Variants in PLEKHA5 observed in about 807,000 individuals in gnomAD.
PLEKHA5 encodes the protein pleckstrin homology domain-containing family A member 5.
A neutral mutation model predicts 181.9 loss-of-function variants in PLEKHA5; 55 were observed. The observed-to-expected ratio is 0.30, with a 90% CI of 0.24 to 0.38. PLEKHA5 has a LOEUF of 0.38. PLEKHA5 is among the 10% of genes least tolerant of loss of function. The pLI is 1.00. For missense variants in PLEKHA5, 1,432 were observed against 1,549.5 expected, an observed-to-expected ratio of 0.92 and a Z score of 1.27; for synonymous variants, 535 against 529.4, an observed-to-expected ratio of 1.01 and a Z score of -0.15.
In PLEKHA5 at chr12:19,297,769, T is replaced by C. The variant is rs2080282371; in HGVS notation, c.2037+6072T>C. 2.2e-5 allele frequency among the ~76,000 whole-genome samples: 3 copies of C among 138,872 alleles called. No homozygotes were observed. The South Asian group carries it at 6.8e-4, about 31-fold the overall frequency. 91.1% of individuals were successfully genotyped at this position (138,872 alleles called of 152,430 possible). A position where few individuals can be genotyped will look rare whatever the true frequency, so the allele number is the denominator to read the frequency against. ...TAAATTATTATTTTTTTTTTTTTTT[T>C]GAGAATGAAAAACATTTCATGTTTA... On this transcript the variant is annotated intron_variant, in intron 15 of 31. Transcript: ENST00000429027.
At chr12:19,214,273 C>T (rs2057516222) in intron 3 of PLEKHA5, among the ~76,000 whole-genome samples, 1 of 152,164 alleles carries the variant, frequency 6.6e-6, no homozygotes, top group Non-Finnish European at 1.5e-5. Context: ...TGCTACACAT[C>T]AGTCCTTTGA....
chr12:19,260,929 A>G lies in PLEKHA5; in HGVS notation c.538-20A>G. On this transcript the variant is annotated intron_variant, in intron 6 of 31. Transcript: ENST00000429027. ...TTTGTTGTTTGAGAAATAATCCTTAAATATGCTGATTTAATCCAGGACAGT... is the reference window on the plus strand; with the variant it reads ...TTTGTTGTTTGAGAAATAATCCTTAGATATGCTGATTTAATCCAGGACAGT... The G allele has an allele frequency of 6.9e-7, 1 of 1,448,270 alleles. No individual in the cohort carries two copies. The highest frequency in any genetic ancestry group is 9.5e-7 in the Non-Finnish European group (1 of 1,054,128). The allele number at this position is 1,448,270 out of a possible 1,614,324, so 89.7% of individuals were successfully genotyped here.
At chr12:19,177,280 G>A (rs4396339) in intron 3 of PLEKHA5, among the ~76,000 whole-genome samples, 135,316 of 152,248 alleles carry the variant, frequency 0.89, 60,962 homozygotes, top group Non-Finnish European at 0.97. Flanking sequence ...ACATAGAGAT[G>A]TGATAATTAA....
chr12:19,168,011 T>A (rs1389979289), intron 3 of PLEKHA5, among the ~76,000 whole-genome samples: 1 of 152,172 alleles, frequency 6.6e-6, no homozygotes, highest in Non-Finnish European at 1.5e-5. Flanking sequence ...ATGATATGTA[T>A]ATCGGTTAGT....
chr12:19,307,103 C>T, intron 15 of PLEKHA5: 2 of 1,017,768 alleles, frequency 2.0e-6, no homozygotes, highest in Middle Eastern at 3.1e-4. Context: ...CTTATGAGCA[C>T]TGTTGGTCCC....
chr12:19,243,413 T>G (rs2063052511), intron 3 of PLEKHA5: 1 of 152,192 alleles, frequency 6.6e-6, no homozygotes, highest in African/African-American at 2.4e-5. Flanking sequence ...TCTGTGAGGA[T>G]TGTCAAGGCC....
chr12:19,185,186 T>C (rs1416232631), intron 3 of PLEKHA5, among the ~76,000 whole-genome samples: 1 of 152,114 alleles, frequency 6.6e-6, no homozygotes, highest in Non-Finnish European at 1.5e-5. Flanking sequence ...GTACATTTCT[T>C]TTGTGCCCTG....
At position 19,322,446 on chromosome 12, in the gene PLEKHA5, A is replaced by T. The variant is rs2091104325; in HGVS notation, c.2298+56A>T. The T allele has an allele frequency of 2.6e-6, 4 of 1,568,412 alleles. No individual in the cohort carries two copies. In the African/African-American group the frequency reaches 5.4e-5, roughly 21 times the overall value. ...GATGTTACTTAATATGATTATTATC[A>T]GGACACTGATAAGTAAAAAGAATTA... On this transcript the variant is annotated intron_variant, in intron 19 of 31. Transcript: ENST00000429027.
intron 3 of PLEKHA5, among the ~76,000 whole-genome samples, chr12:19,144,075 T>C (rs367746011): frequency 9.2e-5 from 14 of 152,326 alleles, no homozygotes; most frequent in Admixed American, 1.3e-4. Context: ...TAAGAATGTA[T>C]GAAAGTGCCT....
At chr12:19,366,141 TG>T in intron 30 of PLEKHA5, 32 bp downstream of exon 30, 1 of 1,546,654 alleles carries the variant, frequency 6.5e-7, no homozygotes, top group East Asian at 2.3e-5. Context: ...ATTTTCTACC[TG>T]GTGCTTCCTC....
chr12:19,176,999 C>G (rs969080753), intron 3 of PLEKHA5, among the ~76,000 whole-genome samples: 11 of 151,966 alleles, frequency 7.2e-5, no homozygotes, highest in African/African-American at 2.7e-4. Flanking sequence ...TCCTGAGTAG[C>G]TGGGATTACA....
At chr12:19,326,290 A>G (rs1318745499) in intron 20 of PLEKHA5, among the ~76,000 whole-genome samples, 1 of 152,240 alleles carries the variant, frequency 6.6e-6, no homozygotes, top group Non-Finnish European at 1.5e-5. Context: ...TGTGCATAAC[A>G]TCATACTGGG....
At chr12:19,154,740 A>C (rs2041276617) in intron 3 of PLEKHA5, 1 of 152,234 alleles carries the variant, frequency 6.6e-6, no homozygotes, top group African/African-American at 2.4e-5. Flanking sequence ...ATCTACTAGT[A>C]ACATATTTAT....
chr12:19,359,423 G>C lies in PLEKHA5; in HGVS notation c.3360G>C (p.Arg1120Ser), dbSNP rs2095113787. 1.2e-6 allele frequency: 2 copies of C among 1,613,058 alleles called. No homozygotes were observed. Among genetic ancestry groups the C allele is most frequent in the Admixed American group, 3.3e-5 (2 of 59,942 alleles). ...NPFRTTQTRR[R>S]DDKELDTAIR... ...TGTCTTTTGAGCAGACTCGAAGGAG[G>C]GATGATAAGGAACTGGACACTGCCA... The change falls in exon 28 of 32, where the codon AGG (arginine) becomes AGC (serine). Residue 1120 changes from arginine (R) to serine (S), a missense_variant. Arg to Ser is a moderately radical substitution (Grantham distance 110, BLOSUM62 -1). This residue lies in a region of PLEKHA5 where 1,143 missense variants were observed against 1,168.4 expected (regional missense o/e 0.98). Transcript: ENST00000429027.
At chr12:19,326,489 T>TTC (rs1389710024) in intron 20 of PLEKHA5, among the ~76,000 whole-genome samples, 1 of 152,206 alleles carries the variant, frequency 6.6e-6, no homozygotes, top group East Asian at 1.9e-4. Flanking sequence ...TGAAAACATC[T>TTC]TCTCCTCACC....
chr12:19,135,605 G>A (rs983672137), intron 3 of PLEKHA5, among the ~76,000 whole-genome samples: 11 of 152,240 alleles, frequency 7.2e-5, no homozygotes, highest in South Asian at 2.1e-4. Flanking sequence ...CCAGGGTTGT[G>A]TGTACTTTCT....
Position 19,348,419 on chromosome 12 carries a change from C to A in PLEKHA5, c.2919C>A (p.Tyr973Ter). ...TCAAGGGTCCAGATTATAGACTCTA[C>A]AAGAGTGAACCAGAGTTAACAACAG... is the stretch of plus-strand genomic sequence containing the variant. ...GSHCGPDYRLYKSEPELTTVA... is the reference protein window; with the variant it reads ...GSHCGPDYRL The change falls in exon 25 of 32, where the codon TAC becomes TAA. Residue 973 changes from tyrosine (Y) to a stop codon, truncating the protein, a stop_gained. Transcript: ENST00000429027. LOFTEE classifies it high-confidence loss of function. 1 of 1,584,944 alleles carries A rather than the reference C, an allele frequency of 6.3e-7. No individual in the cohort carries two copies.
intron 3 of PLEKHA5, among the ~76,000 whole-genome samples, chr12:19,227,175 T>G (rs1027387142): frequency 3.9e-5 from 6 of 152,310 alleles, no homozygotes; most frequent in South Asian, 2.1e-4. Flanking sequence ...TGTACTTTTT[T>G]GGGGGTCACA....
At chr12:19,199,656 A>C (rs1236319973) in intron 3 of PLEKHA5, among the ~76,000 whole-genome samples, 1 of 152,204 alleles carries the variant, frequency 6.6e-6, no homozygotes, top group Non-Finnish European at 1.5e-5. Context: ...CTTTGTTGAG[A>C]TACCAAGTCC....
Sources: gnomAD v4.1 joint callset for allele counts (sites outside exome capture counted in the v4.1 genomes callset) on GRCh38, gnomAD v4.1.1 for gene constraint, gnomAD v4.1.1 regional missense constraint, MANE v1.5 for transcripts, NCBI Gene and HGNC (gene_info 2026-07-23, HGNC 2026-07-21) for gene names.